The following VMA22 variants were observed in gnomAD, a reference collection of about 807,000 sequenced individuals.
The protein encoded by VMA22 is vacuolar ATPase assembly factor VMA22, also known as vacuolar ATPase assembly protein VMA22.
chr2:130,339,950 C>A, the VMA22 span: 1 of 707,882 alleles, frequency 1.4e-6, no homozygotes, highest in Non-Finnish European at 2.0e-6. Context: ...TCTCTCCAGC[C>A]CAGGCCTCTC....
chr2:130,339,047 G>A, the VMA22 span: 37 of 1,148,584 alleles, frequency 3.2e-5, no homozygotes, highest in African/African-American at 3.8e-4. Flanking sequence ...TAATTGTGAA[G>A]GAAGAAGGCC....
the VMA22 span, chr2:130,341,671 T>C: frequency 6.2e-7 from 1 of 1,611,048 alleles, no homozygotes; most frequent in Non-Finnish European, 8.5e-7. Context: ...GCTCACCTGC[T>C]TCGCGAGGCC....
At chr2:130,342,184 G>A in the VMA22 span, 32 of 1,592,230 alleles carry the variant, frequency 2.0e-5, no homozygotes, top group Non-Finnish European at 2.6e-5. Context: ...AGTTTGGCAG[G>A]ACAGCCAATA....
the VMA22 span, chr2:130,340,597 A>G: frequency 7.9e-6 from 3 of 382,038 alleles, no homozygotes; most frequent in Admixed American, 1.2e-4. Context: ...TTTCATAACA[A>G]TTTTCACAGC....
At chr2:130,341,801 G>GGGGGGGGGCCC in the VMA22 span, 1 of 1,378,134 alleles carries the variant, frequency 7.3e-7, no homozygotes, top group East Asian at 2.5e-5. Context: ...CCTAGAACGC[G>GGGGGGGGGCCC]CCCGCCCGCC....
chr2:130,339,444 G>T, the VMA22 span: 1 of 1,411,466 alleles, frequency 7.1e-7, no homozygotes, highest in Non-Finnish European at 9.2e-7. Flanking sequence ...CACCTCCTTA[G>T]ACTTCCTGGA....
the VMA22 span, chr2:130,339,698 A>G: frequency 3.1e-5 from 41 of 1,304,328 alleles, no homozygotes; most frequent in Non-Finnish European, 4.1e-5. Context: ...GTTCAGCAGC[A>G]GGGCTGACCA....
chr2:130,339,493 T>G, the VMA22 span: 2 of 1,355,478 alleles, frequency 1.5e-6, no homozygotes, highest in African/African-American at 3.0e-5. Context: ...AATTCACAGA[T>G]AGTAATACCA....
chr2:130,342,117 CG>C, the VMA22 span: 1 of 1,613,636 alleles, frequency 6.2e-7, no homozygotes, highest in Non-Finnish European at 8.5e-7. Context: ...GCAGGTCAAG[CG>C]CCGCCATGGA....
the VMA22 span, chr2:130,341,552 C>G: frequency 2.3e-6 from 2 of 860,724 alleles, no homozygotes; most frequent in Non-Finnish European, 1.8e-6. Flanking sequence ...ACATTCTGTT[C>G]TTCTGCTCTG....
the VMA22 span, chr2:130,338,212 G>A: frequency 1.3e-5 from 2 of 152,112 alleles, no homozygotes; most frequent in African/African-American, 4.8e-5. Context: ...TCAACTGTAC[G>A]TACAAATAAT....
chr2:130,342,201 C>T, the VMA22 span: 1 of 1,573,588 alleles, frequency 6.4e-7, no homozygotes, highest in South Asian at 1.2e-5. Context: ...AATAGGCACA[C>T]GAGATCCTCC....
chr2:130,339,577 CT>C, the VMA22 span: 1 of 1,289,188 alleles, frequency 7.8e-7, no homozygotes, highest in Non-Finnish European at 1.0e-6. Flanking sequence ...CCCTCCACTT[CT>C]TTTCTCTGTT....
At chr2:130,340,958 C>A in the VMA22 span, 1 of 1,613,984 alleles carries the variant, frequency 6.2e-7, no homozygotes, top group Non-Finnish European at 8.5e-7. Flanking sequence ...AACTAGGATT[C>A]CAAACCAGTT....
the VMA22 span, chr2:130,342,450 G>A: frequency 6.9e-3 from 3,785 of 551,704 alleles, 15 homozygotes; most frequent in African/African-American, 0.011. Flanking sequence ...GGCGATGGAA[G>A]AAGGCGAAGC....
At chr2:130,339,274 A>G in the VMA22 span, 2 of 1,538,838 alleles carry the variant, frequency 1.3e-6, no homozygotes, top group South Asian at 1.1e-5. Context: ...TCTGTAGTGT[A>G]ACACACGACC....
the VMA22 span, among the ~76,000 whole-genome samples, chr2:130,337,972 C>T: frequency 6.6e-5 from 10 of 152,046 alleles, no homozygotes; most frequent in Admixed American, 3.3e-4. Context: ...GTAATGTCCA[C>T]GAAACAGAAT....
the VMA22 span, chr2:130,341,798 C>A: frequency 5.6e-6 from 8 of 1,426,476 alleles, no homozygotes; most frequent in Non-Finnish European, 6.7e-6. Flanking sequence ...GGGCCTAGAA[C>A]GCGCCCGCCC....
chr2:130,342,634 G>T, the VMA22 span: 23 of 478,712 alleles, frequency 4.8e-5, no homozygotes, highest in African/African-American at 2.5e-4. Context: ...CGGCGGTGGT[G>T]GGGGGAGGAC....
Sources: gnomAD v4.1 joint callset for allele counts (sites outside exome capture counted in the v4.1 genomes callset) on GRCh38, gnomAD v4.1.1 for gene constraint, MANE v1.5 for transcripts, NCBI Gene and HGNC (gene_info 2026-07-23, HGNC 2026-07-21) for gene names.